Variants in DMGDH observed in about 807,000 individuals in gnomAD.
The protein encoded by DMGDH is dimethylglycine dehydrogenase, mitochondrial.
In DMGDH, 76 loss-of-function variants were observed where a neutral mutation model predicts 95.2. The ratio of observed to expected loss-of-function variants is 0.80; its 90% CI spans 0.66 to 0.97. DMGDH has a LOEUF of 0.97. Ranked by LOEUF, DMGDH falls within the 50% of genes least tolerant of loss-of-function variation. The probability of loss-of-function intolerance (pLI) is 0.00; values close to 1 mark genes in which losing one functional copy is unlikely to be tolerated. For synonymous variants in DMGDH, 345 were observed against 377.6 expected, an observed-to-expected ratio of 0.91 and a Z score of 1.00; for missense variants, 987 against 1,055.0, an observed-to-expected ratio of 0.94 and a Z score of 0.89.
chr5:79,049,069 G>C (rs1456527854), intron 5 of DMGDH, among the ~76,000 whole-genome samples: 1 of 152,088 alleles, frequency 6.6e-6, no homozygotes, highest in Non-Finnish European at 1.5e-5. Flanking sequence ...CTAATACCAG[G>C]GACTTGTTTT....
At chr5:79,027,505 T>C (rs1220572635) in intron 12 of DMGDH, among the ~76,000 whole-genome samples, 2 of 152,316 alleles carry the variant, frequency 1.3e-5, no homozygotes, top group South Asian at 2.1e-4. Context: ...CAACATATAA[T>C]TGAATGAATG....
chr5:79,065,826 A>C (rs1028207462), intron 1 of DMGDH, among the ~76,000 whole-genome samples: 1 of 152,150 alleles, frequency 6.6e-6, no homozygotes, highest in African/African-American at 2.4e-5. Context: ...CTATGACATC[A>C]CTGGGTGATA....
Position 79,030,964 on chromosome 5 carries a change from C to G in DMGDH, c.1552G>C (p.Val518Leu). The G allele has an allele frequency of 6.2e-7, 1 of 1,614,214 alleles. No individual in the cohort carries two copies. The highest frequency in any genetic ancestry group is 8.5e-7 in the Non-Finnish European group (1 of 1,180,036). Residue 518 changes from valine to leucine, a missense_variant, in exon 10 of 16, where the codon GTG (valine) becomes CTG (leucine). Val to Leu is a conservative substitution (Grantham distance 32). Coordinates refer to ENST00000255189, the MANE Select transcript of DMGDH (RefSeq NM_013391.3). ...ATAACCTGTTTATACTCCGAGCCCA[C>G]AGGCTCAAACCAGTTTGTGCGGCGA... ...SFRRTNWFEPVGSEYKQVMQR... is the reference protein window; with the variant it reads ...SFRRTNWFEPLGSEYKQVMQR...
At chr5:79,018,088 C>T (rs1208585123) in intron 14 of DMGDH, among the ~76,000 whole-genome samples, 1 of 152,204 alleles carries the variant, frequency 6.6e-6, no homozygotes, top group Admixed American at 6.5e-5. Context: ...TGCTCAGTTG[C>T]CCTGGCTGGA....
chr5:79,026,715 C>T (rs1754013946), intron 12 of DMGDH, 134 bp from the exon 13 acceptor site: 6 of 1,361,282 alleles, frequency 4.4e-6, no homozygotes, highest in Middle Eastern at 2.2e-4. Flanking sequence ...CTAAAAAGAC[C>T]AGCTCACAAA....
intron 2 of DMGDH, among the ~76,000 whole-genome samples, chr5:79,060,378 T>C (rs1272883344): frequency 6.6e-6 from 1 of 152,232 alleles, no homozygotes; most frequent in Non-Finnish European, 1.5e-5. Context: ...AGGTATATCA[T>C]GAGCTGACAA....
chr5:79,048,410 G>T (rs1754742022), intron 5 of DMGDH, among the ~76,000 whole-genome samples: 1 of 152,058 alleles, frequency 6.6e-6, no homozygotes, highest in Non-Finnish European at 1.5e-5. Context: ...GCAGACCCCA[G>T]CAGCCTTTAC....
At chr5:79,025,338 C>G (rs1753970176) in intron 13 of DMGDH, among the ~76,000 whole-genome samples, 3 of 152,134 alleles carry the variant, frequency 2.0e-5, no homozygotes, top group Admixed American at 2.0e-4. Context: ...CCGCGCTGTC[C>G]TCCGTTTCTG....
intron 2 of DMGDH, among the ~76,000 whole-genome samples, chr5:79,061,632 A>G (rs1318572731): frequency 1.3e-5 from 2 of 152,198 alleles, no homozygotes; most frequent in African/African-American, 2.4e-5. Context: ...TCTAAAATGC[A>G]GGCCAGGCCA....
Position 79,033,285 on chromosome 5 carries a change from C to T in DMGDH, c.1317G>A (p.Gln439=). ...ATTCTCTTGCTTTGGCCTCAGTGTACTGGGTTGTTGTCCATTTGCCATAGC... is the reference window on the plus strand; with the variant it reads ...ATTCTCTTGCTTTGGCCTCAGTGTATTGGGTTGTTGTCCATTTGCCATAGC... ...PNRYGKWTTT[Q]YTEAKARESY... Residue 439 remains glutamine, a synonymous_variant, in exon 8 of 16, where the codon CAG becomes CAA. Coordinates refer to ENST00000255189, the MANE Select transcript of DMGDH (RefSeq NM_013391.3). The T allele has an allele frequency of 6.2e-7, 1 of 1,614,146 alleles. No homozygotes were observed. The highest frequency in any genetic ancestry group is 8.5e-7 in the Non-Finnish European group (1 of 1,180,028).
intron 4 of DMGDH, among the ~76,000 whole-genome samples, chr5:79,053,066 G>A (rs1754914428): frequency 6.6e-6 from 1 of 151,046 alleles, no homozygotes; most frequent in African/African-American, 2.5e-5. Context: ...AATGAGCTTG[G>A]GCTCACTATG....
intron 7 of DMGDH, among the ~76,000 whole-genome samples, chr5:79,035,270 C>G (rs1754316984): frequency 6.6e-6 from 1 of 152,066 alleles, no homozygotes; most frequent in African/African-American, 2.4e-5. Context: ...CCATATAGAT[C>G]AAGTACCATT....
intron 7 of DMGDH, among the ~76,000 whole-genome samples, chr5:79,040,472 A>C (rs1754480273): frequency 6.6e-6 from 1 of 152,252 alleles, no homozygotes; most frequent in Non-Finnish European, 1.5e-5. Flanking sequence ...GACTGATTAC[A>C]GAACTAAATG....
At position 79,063,795 on chromosome 5, in the gene DMGDH, A is replaced by G; in HGVS notation, c.102-8T>C. ...AAGGGTGGTTTTTCCTCTCTGGAAG[A>G]GGGAAAGTTAAAATGGGAACTTCAA... On this transcript the variant is annotated splice_polypyrimidine_tract_variant and splice_region_variant and intron_variant, in intron 1 of 15. Transcript: ENST00000255189. The G allele has an allele frequency of 1.2e-6, 2 of 1,614,110 alleles. No homozygotes were observed. The highest frequency in any genetic ancestry group is 2.2e-5 in the South Asian group (2 of 91,078).
intron 14 of DMGDH, among the ~76,000 whole-genome samples, chr5:79,013,580 G>A (rs551757815): frequency 2.6e-5 from 4 of 152,090 alleles, no homozygotes; most frequent in Non-Finnish European, 4.4e-5. Flanking sequence ...GTATTAGTTT[G>A]TTCTCTCACT....
At chr5:79,006,737 G>A (rs1186746399) in intron 14 of DMGDH, among the ~76,000 whole-genome samples, 2 of 152,042 alleles carry the variant, frequency 1.3e-5, no homozygotes, top group Non-Finnish European at 2.9e-5. Flanking sequence ...CTAACATTTA[G>A]GACTTACACA....
intron 6 of DMGDH, 92 bp downstream of exon 6, chr5:79,044,212 T>C (rs1379239365): frequency 8.3e-6 from 13 of 1,569,600 alleles, no homozygotes; most frequent in East Asian, 4.5e-5. Flanking sequence ...TCTAGTATTA[T>C]GTTGTTGTCT....
intron 15 of DMGDH, chr5:79,000,228 TC>T: frequency 1.6e-6 from 1 of 626,470 alleles, no homozygotes; most frequent in South Asian, 1.4e-5. Flanking sequence ...ACAGAATCCC[TC>T]CATACCAGCG....
At chr5:79,030,760 C>A in intron 10 of DMGDH, 73 bp downstream of exon 10, 2 of 1,533,530 alleles carry the variant, frequency 1.3e-6, no homozygotes, top group East Asian at 4.6e-5. Flanking sequence ...ATTAGGTGAA[C>A]TAAAATAACA....
Sources: allele counts gnomAD v4.1 joint callset (sites outside exome capture counted in the v4.1 genomes callset), GRCh38; gene constraint gnomAD v4.1.1; transcripts MANE v1.5; gene names NCBI Gene and HGNC (gene_info 2026-07-23, HGNC 2026-07-21).